The following TLK1 variants were observed in gnomAD, a reference collection of about 807,000 sequenced individuals.
TLK1 encodes the protein tousled like kinase 1.
TLK1 carries 24 observed loss-of-function variants against 105.3 expected under a neutral mutation model. The observed-to-expected ratio is 0.23, with a 90% CI of 0.17 to 0.32. The LOEUF (loss-of-function observed/expected upper bound fraction) is 0.32, where lower values mean the gene tolerates loss of function less well. TLK1 is among the 10% of genes least tolerant of loss of function. The pLI, the probability that TLK1 is intolerant of heterozygous loss-of-function variation, is 1.00. For synonymous variants in TLK1, 321 were observed against 310.4 expected (o/e 1.03, Z -0.36); for missense variants, 558 against 910.5 (o/e 0.61, Z 4.98).
chr2:171,152,220 G>C lies in TLK1; in HGVS notation c.139+8070C>G, dbSNP rs1463397919. On this transcript the variant is annotated intron_variant, in intron 1 of 20. Coordinates refer to ENST00000431350, the MANE Select transcript of TLK1 (RefSeq NM_012290.5). ...TCTTAACAATCCACATAGATGAAGA[G>C]GAAAAAATATTTTAAGTCATCCCCC... 3.9e-5 allele frequency among the ~76,000 whole-genome samples: 6 copies of C among 152,040 alleles called. No individual in the cohort carries two copies. In the South Asian group the frequency reaches 1.2e-3, roughly 32 times the overall value.
intron 1 of TLK1, among the ~76,000 whole-genome samples, chr2:171,123,778 C>T (rs1295927792): frequency 9.9e-5 from 15 of 152,188 alleles, no homozygotes; most frequent in Non-Finnish European, 2.1e-4. Context: ...TGCCACTGTA[C>T]TCCAGCCTGG....
intron 1 of TLK1, among the ~76,000 whole-genome samples, chr2:171,148,711 C>G (rs993989561): frequency 2.6e-5 from 4 of 151,330 alleles, no homozygotes; most frequent in Admixed American, 1.3e-4. Flanking sequence ...GGTGACACCC[C>G]CTCTCTACCA....
At chr2:171,180,823 CTTTTT>C (rs57223904) in intron 1 of TLK1, among the ~76,000 whole-genome samples, 4 of 123,136 alleles carry the variant, frequency 3.2e-5, no homozygotes, top group Admixed American at 8.2e-5. Context: ...TAAGAGGATG[CTTTTT>C]TTTTTTTTTT....
rs777065076 is a variant in TLK1 at position 170,996,647 on chromosome 2, T to C, written c.2124+6A>G. ...TTCACAAAACTCATTTACAAAAATT[T>C]AATACCTTGGCTTCACTGCTTACAA... is the stretch of plus-strand genomic sequence containing the variant. On this transcript the variant is annotated splice_donor_region_variant and intron_variant, in intron 20 of 20. Transcript: ENST00000431350. 3 of 1,604,056 alleles carry C rather than the reference T, an allele frequency of 1.9e-6. No homozygotes were observed. Among genetic ancestry groups the C allele is most frequent in the East Asian group, 4.5e-5 (2 of 44,808 alleles).
At position 170,991,450 on chromosome 2, in the gene TLK1, C is replaced by G. The variant is rs1391918971; in HGVS notation, c.*2330G>C. 1 of 152,182 alleles carries G rather than the reference C, an allele frequency of 6.6e-6. No individual in the cohort carries two copies. The highest frequency in any genetic ancestry group is 1.5e-5 in the Non-Finnish European group (1 of 68,016). 9.4% of individuals were successfully genotyped at this position (152,182 alleles called of 1,614,324 possible). ...CCTGCTGGGTCACTGGCATGTTATTCAAAATCTATAACATTTCTTTGGGAA... is the reference window on the plus strand; with the variant it reads ...CCTGCTGGGTCACTGGCATGTTATTGAAAATCTATAACATTTCTTTGGGAA... On this transcript the variant is annotated 3_prime_UTR_variant, in exon 21 of 21. Coordinates refer to ENST00000431350, the MANE Select transcript of TLK1 (RefSeq NM_012290.5).
At chr2:171,032,135 T>A (rs1575533164) in intron 11 of TLK1, among the ~76,000 whole-genome samples, 1 of 151,904 alleles carries the variant, frequency 6.6e-6, no homozygotes, top group African/African-American at 2.4e-5. Flanking sequence ...CAAACTAACA[T>A]CATAGTTAAT....
At chr2:171,154,178 C>A (rs925001950) in intron 1 of TLK1, among the ~76,000 whole-genome samples, 1 of 151,972 alleles carries the variant, frequency 6.6e-6, no homozygotes, top group Non-Finnish European at 1.5e-5. Context: ...TGAGACATAG[C>A]ACCTCGCCTG....
chr2:171,032,648 G>C (rs1021811901), intron 11 of TLK1, among the ~76,000 whole-genome samples: 11 of 152,124 alleles, frequency 7.2e-5, no homozygotes, highest in African/African-American at 2.7e-4. Context: ...CTTTCAAAAA[G>C]TATGGTACTG....
At chr2:171,126,700 G>A (rs904868128) in intron 1 of TLK1, among the ~76,000 whole-genome samples, 2 of 151,808 alleles carry the variant, frequency 1.3e-5, no homozygotes, top group African/African-American at 4.8e-5. Flanking sequence ...CATGACCTTA[G>A]TTTTAAATTT....
chr2:171,127,848 CATATT>C (rs1690934237), intron 1 of TLK1, among the ~76,000 whole-genome samples: 1 of 152,084 alleles, frequency 6.6e-6, no homozygotes, highest in Non-Finnish European at 1.5e-5. Flanking sequence ...GTTTCTGAGT[CATATT>C]ATCTATCCAT....
chr2:171,182,120 A>G (rs1014908975), intron 1 of TLK1, among the ~76,000 whole-genome samples: 2 of 152,236 alleles, frequency 1.3e-5, no homozygotes, highest in South Asian at 2.1e-4. Context: ...GAATAGGGCC[A>G]TATGGAAATC....
intron 2 of TLK1, among the ~76,000 whole-genome samples, chr2:171,112,188 G>A (rs1010888597): frequency 1.3e-5 from 2 of 152,168 alleles, no homozygotes; most frequent in Non-Finnish European, 2.9e-5. Context: ...CTTACCTCGT[G>A]ATCCGCCCAC....
At chr2:171,105,410 G>T (rs1234506665) in intron 2 of TLK1, among the ~76,000 whole-genome samples, 1 of 152,210 alleles carries the variant, frequency 6.6e-6, no homozygotes, top group Non-Finnish European at 1.5e-5. Flanking sequence ...GCTTGGCTGG[G>T]CGCAGTGGCT....
chr2:171,098,075 A>T (rs919032556), intron 2 of TLK1, among the ~76,000 whole-genome samples: 3 of 152,202 alleles, frequency 2.0e-5, no homozygotes, highest in Admixed American at 2.0e-4. Context: ...TGAAGCAGAG[A>T]GTACAACGAT....
At chr2:171,020,317 G>A (rs1304951606) in intron 12 of TLK1, among the ~76,000 whole-genome samples, 2 of 151,636 alleles carry the variant, frequency 1.3e-5, no homozygotes, top group Non-Finnish European at 2.9e-5. Context: ...TGAGGTGGGT[G>A]GATCATGAGG....
intron 3 of TLK1, among the ~76,000 whole-genome samples, chr2:171,075,852 T>C (rs532572526): frequency 1.4e-4 from 22 of 152,314 alleles, no homozygotes; most frequent in African/African-American, 5.3e-4. Flanking sequence ...GTACAGAATC[T>C]GAAGGTGCTA....
chr2:171,151,603 T>C (rs2105597758), intron 1 of TLK1, among the ~76,000 whole-genome samples: 1 of 149,962 alleles, frequency 6.7e-6, no homozygotes, highest in Admixed American at 6.7e-5. Context: ...GCCTCCCGAG[T>C]AGCTGGGACT....
intron 2 of TLK1, among the ~76,000 whole-genome samples, chr2:171,083,780 C>T (rs1453015915): frequency 2.6e-5 from 4 of 152,006 alleles, no homozygotes; most frequent in South Asian, 2.1e-4. Flanking sequence ...GCATACATGC[C>T]CAGTACTATG....
chr2:171,183,667 A>C (rs1692969058), intron 1 of TLK1, among the ~76,000 whole-genome samples: 1 of 152,208 alleles, frequency 6.6e-6, no homozygotes, highest in Non-Finnish European at 1.5e-5. Flanking sequence ...GCTTTAAATA[A>C]TTTAAATATT....
Sources: allele counts gnomAD v4.1 joint callset (sites outside exome capture counted in the v4.1 genomes callset), GRCh38; gene constraint gnomAD v4.1.1; transcripts MANE v1.5; gene names NCBI Gene and HGNC (gene_info 2026-07-23, HGNC 2026-07-21).